GPLD1: variants seen among roughly 807,000 people sequenced by gnomAD.
GPLD1 encodes phosphatidylinositol-glycan-specific phospholipase D.
GPLD1 carries 84 observed loss-of-function variants against 112.6 expected under a neutral mutation model. The observed-to-expected ratio is 0.75, with a 90% CI of 0.63 to 0.89. The LOEUF is 0.89. Among genes scored for constraint, GPLD1 ranks in the 40% least tolerant of loss-of-function variants. The pLI, the probability that GPLD1 is intolerant of heterozygous loss-of-function variation, is 0.00. For synonymous variants in GPLD1, 386 were observed against 403.8 expected, an observed-to-expected ratio of 0.96 and a Z score of 0.53; for missense variants, 1,044 against 1,051.5, an observed-to-expected ratio of 0.99 and a Z score of 0.10.
chr6:24,473,450 T>A (rs2127360391), intron 6 of GPLD1, 169 bp downstream of exon 6: 1 of 454,496 alleles, frequency 2.2e-6, no homozygotes, highest in East Asian at 3.2e-5. Context: ...TAGAAATACA[T>A]CTCTATGTTA....
At position 24,454,047 on chromosome 6, in the gene GPLD1, T is replaced by TGTCCAG; in HGVS notation, c.1297_1302dup (p.Leu433_Asp434dup). ...CCTTCAAGGATCCTGTGGGCCTCCTTGTCCAGGTCCAGGTCAACAGGTGGC... is the reference window on the plus strand; with the variant it reads ...CCTTCAAGGATCCTGTGGGCCTCCTTGTCCAGGTCCAGGTCCAGGTCAACAGGTGGC... On this transcript the variant is annotated inframe_insertion, in exon 14 of 25. Coordinates refer to ENST00000230036, the MANE Select transcript of GPLD1 (RefSeq NM_001503.4). 1 of 1,613,376 alleles carries TGTCCAG rather than the reference T, an allele frequency of 6.2e-7. No homozygotes were observed. The highest frequency in any genetic ancestry group is 8.5e-7 in the Non-Finnish European group (1 of 1,179,522).
Position 24,479,902 on chromosome 6 carries a change from A to G in GPLD1, c.211T>C (p.Tyr71His), listed in dbSNP as rs774379467. Residue 71 changes from tyrosine to histidine, a missense_variant, in exon 3 of 25, where the codon TAC becomes CAC. By Grantham distance (83) the Tyr-to-His change is moderately conservative (BLOSUM62 2). Coordinates refer to ENST00000230036, the MANE Select transcript of GPLD1 (RefSeq NM_001503.4). ...TTACCTCCTTTGCAGATGCTAGGGT[A>G]AAAACAATCAGGAAACACGATTCCA... is the stretch of plus-strand genomic sequence containing the variant. ...QAGIVFPDCF[Y>H]PSICKGGKFH... is the part of the protein sequence containing the mutation. 1 of 1,607,906 alleles carries G rather than the reference A, an allele frequency of 6.2e-7. No individual in the cohort carries two copies. Among genetic ancestry groups the G allele is most frequent in the Non-Finnish European group, 8.5e-7 (1 of 1,174,318 alleles).
At position 24,456,426 on chromosome 6, in the gene GPLD1, AAC is replaced by A. The variant is rs1391306984; in HGVS notation, c.1148+70_1148+71del. ...TAAAATAAAATAAAATGAAATAAAA[AAC>A]AGTTGCAGAATGATTGAATAAAATT... On this transcript the variant is annotated intron_variant, in intron 13 of 24. Transcript: ENST00000230036. 6 of 974,448 alleles carry A rather than the reference AAC, an allele frequency of 6.2e-6. No individual in the cohort carries two copies. The African/African-American group carries it at 9.9e-5, about 16-fold the overall frequency. The allele number at this position is 974,448 out of a possible 1,614,324, so 60.4% of individuals were successfully genotyped here.
intron 10 of GPLD1, 59 bp from the exon 11 acceptor site, chr6:24,462,854 A>G: frequency 8.8e-6 from 11 of 1,253,964 alleles, no homozygotes; most frequent in Non-Finnish European, 1.3e-5. Flanking sequence ...CATGAATTTT[A>G]CCGAGAATCG....
chr6:24,433,484 CTTTTTTTTTTT>C (rs58008688), intron 22 of GPLD1, 95 bp from the exon 23 acceptor site: 13,490 of 436,100 alleles, frequency 0.031, 149 homozygotes, highest in Non-Finnish European at 0.039. Context: ...CTCATTTCTA[CTTTTTTTTTTT>C]TTTTTTTTTT....
chr6:24,437,407 C>T (rs1039263678), intron 20 of GPLD1, 118 bp from the exon 21 acceptor site: 50 of 952,728 alleles, frequency 5.2e-5, no homozygotes, highest in Middle Eastern at 2.6e-4. Flanking sequence ...CAGTCGGTTT[C>T]GGAGCTGGTC....
In GPLD1 at chr6:24,442,422, ATTTTTTTTTTTTTTTTTTTTT is replaced by A. The variant is rs71002496; in HGVS notation, c.2020+3103_2020+3123del. On this transcript the variant is annotated intron_variant, in intron 20 of 24. Transcript: ENST00000230036. ...AGGTGCATGCCACCACATCTGGCTA[ATTTTTTTTTTTTTTTTTTTTT>A]TTTTTTTTTTTTTTTTTTTGAGATG... 5.3e-4 allele frequency among the ~76,000 whole-genome samples: 32 copies of A among 60,636 alleles called. No individual in the cohort carries two copies. The South Asian group carries it at 8.0e-3, about 15-fold the overall frequency. 39.8% of individuals were successfully genotyped at this position (60,636 alleles called of 152,430 possible). A position where few individuals can be genotyped will look rare whatever the true frequency, so the allele number is the denominator to read the frequency against.
rs186008226 is a variant in GPLD1, at chr6:24,456,527, G to T, written c.1119C>A (p.Phe373Leu). 84 of 1,610,416 alleles carry T rather than the reference G, an allele frequency of 5.2e-5. 1 individual carries two copies. The Admixed American group carries it at 9.7e-4, about 19-fold the overall frequency. ...CAAGCCTCGCATAAGGAAATGACAA[G>T]AAGTAAGATGCTAAGGGGCTGGAGA... ...KHVSSPLASY[F>L]LSFPYARLGW... Residue 373 changes from phenylalanine to leucine, a missense_variant, in exon 13 of 25, where the codon TTC (phenylalanine) becomes TTA (leucine). Phe to Leu is a conservative substitution (Grantham distance 22). Transcript: ENST00000230036.
At chr6:24,476,728 G>A (rs1764032012) in intron 3 of GPLD1, among the ~76,000 whole-genome samples, 1 of 152,142 alleles carries the variant, frequency 6.6e-6, no homozygotes, top group Non-Finnish European at 1.5e-5. Context: ...ATGCTTTCAA[G>A]CATTTGATTT....
chr6:24,487,681 G>A (rs1764423361), intron 1 of GPLD1, among the ~76,000 whole-genome samples: 1 of 152,196 alleles, frequency 6.6e-6, no homozygotes, highest in African/African-American at 2.4e-5. Flanking sequence ...TCATTTTATA[G>A]AATTGAGAGG....
At chr6:24,460,739 A>ATTTTTTTTTTTT (rs535822410) in intron 11 of GPLD1, among the ~76,000 whole-genome samples, 1 of 139,498 alleles carries the variant, frequency 7.2e-6, no homozygotes, top group Non-Finnish European at 1.5e-5. Flanking sequence ...AAGCATACTG[A>ATTTTTTTTTTTT]TTTTTTTTTT....
In GPLD1 at chr6:24,460,247, C is replaced by T. The variant is rs1393264463; in HGVS notation, c.1008+32G>A. The stretch of plus-strand genomic sequence containing the variant: ...CAAGGTATCTCAAGAAGCAGCATTC[C>T]TCTTTCTCAACTTAGAGCAGAAAAT... On this transcript the variant is annotated intron_variant, in intron 12 of 24. Coordinates refer to ENST00000230036, the MANE Select transcript of GPLD1 (RefSeq NM_001503.4). The T allele has an allele frequency of 2.5e-6, 4 of 1,612,206 alleles. No homozygotes were observed. In the African/African-American group the frequency reaches 5.3e-5, roughly 22 times the overall value.
At chr6:24,494,929 C>G (rs1561865342) in intron 1 of GPLD1, 7 of 1,259,926 alleles carry the variant, frequency 5.6e-6, no homozygotes, top group Non-Finnish European at 6.0e-6. Context: ...CTTGCTTCCC[C>G]GCGACCCCTG....
intron 17 of GPLD1, 33 bp downstream of exon 17, chr6:24,447,844 C>G (rs762149895): frequency 6.2e-7 from 1 of 1,609,618 alleles, no homozygotes; most frequent in Admixed American, 1.7e-5. Context: ...CACAGAGCAG[C>G]CATGGTCTCA....
rs1260011962 is a variant in GPLD1, at chr6:24,445,824, G to A, written c.1828C>T (p.His610Tyr). ...TTCTCATCTCGGATGTGTAACAAATGGCCCAGCCTAGAATGAAGCACACTG... is the reference window on the plus strand; with the variant it reads ...TTCTCATCTCGGATGTGTAACAAATAGCCCAGCCTAGAATGAAGCACACTG... ...PTWKNASRLG[H>Y]LLHIRDEKKS... Residue 610 changes from histidine (H) to tyrosine (Y), a missense_variant, in exon 19 of 25, where the codon CAT (histidine) becomes TAT (tyrosine). By Grantham distance (83) the His-to-Tyr change is moderately conservative. Transcript: ENST00000230036. The A allele has an allele frequency of 6.2e-7, 1 of 1,611,020 alleles. No homozygotes were observed. Among genetic ancestry groups the A allele is most frequent in the Middle Eastern group, 1.7e-4 (1 of 6,050 alleles).
At chr6:24,441,991 TAG>T (rs1038558798) in intron 20 of GPLD1, among the ~76,000 whole-genome samples, 3 of 148,488 alleles carry the variant, frequency 2.0e-5, no homozygotes, top group African/African-American at 7.3e-5. Flanking sequence ...ACATTATATA[TAG>T]ACACATACAT....
intron 2 of GPLD1, among the ~76,000 whole-genome samples, chr6:24,480,658 T>TAAA (rs10654733): frequency 0.08 from 12,119 of 151,936 alleles, 955 homozygotes; most frequent in African/African-American, 0.21. Flanking sequence ...TTGGGAGGGC[T>TAAA]AAAAAAAGTG....
chr6:24,446,306 G>A (rs1417458933), intron 18 of GPLD1, among the ~76,000 whole-genome samples: 3 of 151,452 alleles, frequency 2.0e-5, no homozygotes, highest in Non-Finnish European at 4.4e-5. Context: ...GACGAGCCTG[G>A]GCAACACTGC....
chr6:24,458,060 A>C (rs1428081944), intron 12 of GPLD1, among the ~76,000 whole-genome samples: 1 of 151,374 alleles, frequency 6.6e-6, no homozygotes, highest in Admixed American at 6.6e-5. Flanking sequence ...GACAAAAAAC[A>C]CAAACGAGAG....
Sources: gnomAD v4.1 joint callset for allele counts (sites outside exome capture counted in the v4.1 genomes callset) on GRCh38, gnomAD v4.1.1 for gene constraint, MANE v1.5 for transcripts, NCBI Gene and HGNC (gene_info 2026-07-23, HGNC 2026-07-21) for gene names.